ALPL: variants seen among roughly 807,000 people sequenced by gnomAD.
ALPL encodes the protein alkaline phosphatase, biomineralization associated.
ALPL carries 42 observed loss-of-function variants against 51.3 expected under a neutral mutation model. The ratio of observed to expected loss-of-function variants is 0.82; its 90% CI spans 0.64 to 1.06. The LOEUF is 1.06. Ranked by LOEUF, ALPL falls within the 50% of genes least tolerant of loss-of-function variation. The pLI is 0.00. For synonymous variants in ALPL, 279 were observed against 296.4 expected (o/e 0.94, Z 0.60); for missense variants, 589 against 709.4 (o/e 0.83, Z 1.93).
At chr1:21,526,711 A>G (rs1043954927) in intron 1 of ALPL, among the ~76,000 whole-genome samples, 1 of 152,214 alleles carries the variant, frequency 6.6e-6, no homozygotes, top group Non-Finnish European at 1.5e-5. Context: ...CTGGTAGGTG[A>G]TGAATTATTT....
chr1:21,574,282 AAGCCAAAAAT>A (rs1644695194), intron 9 of ALPL: 2 of 873,980 alleles, frequency 2.3e-6, no homozygotes, highest in African/African-American at 3.6e-5. Context: ...CTGTTATGTG[AAGCCAAAAAT>A]AGCATCTGTC....
At position 21,573,677 on chromosome 1, in the gene ALPL, CAGGGGA is replaced by C. The variant is rs1360625972; in HGVS notation, c.876_881del (p.Gly293_Asp294del). On this transcript the variant is annotated inframe_deletion, in exon 9 of 12. Transcript: ENST00000374840. ...GCGTCCTCCTCAGGTCTCTTCGAGC[CAGGGGA>C]CATGCAGTACGAGCTGAACAGGAAC... 23 of 1,613,804 alleles carry C rather than the reference CAGGGGA, an allele frequency of 1.4e-5. No homozygotes were observed. Among genetic ancestry groups the C allele is most frequent in the Non-Finnish European group, 8.5e-6 (10 of 1,179,964 alleles).
At chr1:21,530,506 G>A (rs974794367) in intron 1 of ALPL, among the ~76,000 whole-genome samples, 1 of 152,116 alleles carries the variant, frequency 6.6e-6, no homozygotes, top group Non-Finnish European at 1.5e-5. Context: ...TTGCCAGGAC[G>A]GGAATCCCTG....
intron 6 of ALPL, among the ~76,000 whole-genome samples, chr1:21,565,617 AG>A (rs886293967): frequency 4.1e-5 from 4 of 98,552 alleles, no homozygotes; most frequent in Admixed American, 3.5e-4. Flanking sequence ...GGAGATGAGG[AG>A]GGGGGGCCGC....
chr1:21,540,610 T>C (rs1644169989), intron 1 of ALPL, among the ~76,000 whole-genome samples: 2 of 152,170 alleles, frequency 1.3e-5, no homozygotes, highest in Admixed American at 1.3e-4. Context: ...GAGCCCTTTG[T>C]GGTGGGTCCA....
intron 2 of ALPL, among the ~76,000 whole-genome samples, chr1:21,560,422 G>A (rs1014187432): frequency 6.6e-6 from 1 of 152,158 alleles, no homozygotes; most frequent in Non-Finnish European, 1.5e-5. Context: ...GTGAGGAGAA[G>A]ACCCCAGGGT....
intron 7 of ALPL, among the ~76,000 whole-genome samples, chr1:21,569,815 C>T (rs918155956): frequency 6.6e-6 from 1 of 152,188 alleles, no homozygotes; most frequent in Non-Finnish European, 1.5e-5. Context: ...ACAGCCACGC[C>T]TTTATCTCCC....
At chr1:21,554,178 T>C in intron 2 of ALPL, 36 bp downstream of exon 2, 2 of 1,597,230 alleles carry the variant, frequency 1.3e-6, no homozygotes, top group South Asian at 2.2e-5. Flanking sequence ...CATAAAAAGG[T>C]GGTGCAGATG....
chr1:21,550,272 G>T (rs1339083917), intron 1 of ALPL, among the ~76,000 whole-genome samples: 1 of 152,160 alleles, frequency 6.6e-6, no homozygotes, highest in African/African-American at 2.4e-5. Context: ...CCCTCTGGAG[G>T]GGGTGACTGA....
intron 9 of ALPL, among the ~76,000 whole-genome samples, chr1:21,575,182 A>G (rs950921484): frequency 6.6e-6 from 1 of 152,210 alleles, no homozygotes; most frequent in African/African-American, 2.4e-5. Flanking sequence ...TTTGAGGTAG[A>G]GATGAAAAAC....
At chr1:21,563,505 TC>T in intron 5 of ALPL, among the ~76,000 whole-genome samples, 1 of 152,190 alleles carries the variant, frequency 6.6e-6, no homozygotes, top group South Asian at 2.1e-4. Flanking sequence ...AGTTCATTTC[TC>T]TGAGTCGATT....
chr1:21,519,783 T>C (rs1444377082), intron 1 of ALPL, among the ~76,000 whole-genome samples: 2 of 151,998 alleles, frequency 1.3e-5, no homozygotes, highest in Non-Finnish European at 2.9e-5. Flanking sequence ...AGTGACAGAG[T>C]GAGACTGCAT....
Position 21,564,224 on chromosome 1 carries a change from C to G in ALPL, c.648+8C>G. On this transcript the variant is annotated splice_region_variant and intron_variant, in intron 6 of 11. Coordinates refer to ENST00000374840, the MANE Select transcript of ALPL (RefSeq NM_000478.6). This position sits in a 1 kb window ranked among gnomAD's most constrained non-coding sequence, Gnocchi z 5.8. ...AACATCAGGGACATTGACGTGAGTGCTCGGGGGCAGCCGGGCAGGGACGGG... is the reference window on the plus strand; with the variant it reads ...AACATCAGGGACATTGACGTGAGTGGTCGGGGGCAGCCGGGCAGGGACGGG... 6.2e-7 allele frequency: 1 copy of G among 1,613,214 alleles called. No individual in the cohort carries two copies. The highest frequency in any genetic ancestry group is 8.5e-7 in the Non-Finnish European group (1 of 1,179,830).
chr1:21,558,857 G>A (rs960465528), intron 2 of ALPL, among the ~76,000 whole-genome samples: 1 of 152,212 alleles, frequency 6.6e-6, no homozygotes, highest in Non-Finnish European at 1.5e-5. Context: ...GCTAGGCTGG[G>A]GCAGAGCCAC....
At position 21,554,881 on chromosome 1, in the gene ALPL, CTTTCTT is replaced by C. The variant is rs1558544169; in HGVS notation, c.61+747_61+752del. On this transcript the variant is annotated intron_variant, in intron 2 of 11. Coordinates refer to ENST00000374840, the MANE Select transcript of ALPL (RefSeq NM_000478.6). ...TCTTTCTTTCTTTCTTTCTCTCTTT[CTTTCTT>C]TTTCTTTCTTTCTTTCTTTCTCTTT... Among the ~76,000 whole-genome samples the C allele has an allele frequency of 8.3e-3, 1,150 of 138,274 alleles. 8 individuals are homozygous for C. The highest frequency in any genetic ancestry group is 0.018 in the Middle Eastern group (5 of 284). The allele number at this position is 138,274 out of a possible 152,430, so 90.7% of individuals were successfully genotyped here.
At chr1:21,519,788 C>G (rs1298224396) in intron 1 of ALPL, among the ~76,000 whole-genome samples, 1 of 152,184 alleles carries the variant, frequency 6.6e-6, no homozygotes, top group African/African-American at 2.4e-5. Context: ...CAGAGTGAGA[C>G]TGCATTTCAA....
chr1:21,552,258 C>T (rs1323527705), intron 1 of ALPL, among the ~76,000 whole-genome samples: 2 of 150,048 alleles, frequency 1.3e-5, no homozygotes, highest in Non-Finnish European at 3.0e-5. Flanking sequence ...CCAAGGTGGG[C>T]AGATCACCTG....
chr1:21,541,196 G>A (rs746141313), intron 1 of ALPL, among the ~76,000 whole-genome samples: 8 of 152,132 alleles, frequency 5.3e-5, no homozygotes, highest in South Asian at 2.1e-4. Context: ...TCTCTGCCCC[G>A]CAGTCCATCC....
At chr1:21,545,305 T>G (rs6426716) in intron 1 of ALPL, among the ~76,000 whole-genome samples, 25,051 of 151,946 alleles carry the variant, frequency 0.16, 2,525 homozygotes, top group East Asian at 0.5. Context: ...TTTTGTTTTT[T>G]TTTAAGACAG....
Sources: allele counts gnomAD v4.1 joint callset (sites outside exome capture counted in the v4.1 genomes callset), GRCh38; gene constraint gnomAD v4.1.1; non-coding constraint Gnocchi (gnomAD v3.1); transcripts MANE v1.5; gene names NCBI Gene and HGNC (gene_info 2026-07-23, HGNC 2026-07-21).